Variants in RYR3 observed in about 807,000 individuals in gnomAD.
The protein encoded by RYR3 is ryanodine receptor 3, also known as brain ryanodine receptor-calcium release channel.
A neutral mutation model predicts 584.3 loss-of-function variants in RYR3; 207 were observed. That is an observed-to-expected ratio of 0.35 (90% CI 0.32 to 0.40). The LOEUF (loss-of-function observed/expected upper bound fraction) is 0.40, where lower values mean the gene tolerates loss of function less well. Among genes scored for constraint, RYR3 ranks in the 10% least tolerant of loss-of-function variants. The probability of loss-of-function intolerance (pLI) is 1.00; values close to 1 mark genes in which losing one functional copy is unlikely to be tolerated. For missense variants in RYR3, 5,616 were observed against 6,089.2 expected, an observed-to-expected ratio of 0.92 and a Z score of 2.59; for synonymous variants, 2,416 against 2,248.5, an observed-to-expected ratio of 1.07 and a Z score of -2.11.
intron 38 of RYR3, among the ~76,000 whole-genome samples, chr15:33,683,767 A>G (rs1374864590): frequency 6.6e-6 from 1 of 152,232 alleles, no homozygotes; most frequent in African/African-American, 2.4e-5. Context: ...TGGAAAAAGG[A>G]GAAACTTCCG....
intron 90 of RYR3, 161 bp from the exon 91 acceptor site, chr15:33,841,703 G>A: frequency 1.6e-6 from 1 of 626,776 alleles, no homozygotes; most frequent in Non-Finnish European, 2.7e-6. Context: ...TAAATTTAAT[G>A]TCCAGCCACT....
chr15:33,779,967 C>T lies in RYR3; in HGVS notation c.9138-244C>T, dbSNP rs960627510. Among the ~76,000 whole-genome samples the T allele has an allele frequency of 2.6e-5, 4 of 152,158 alleles. 1 individual carries two copies. In the South Asian group the frequency reaches 6.2e-4, roughly 24 times the overall value. On this transcript the variant is annotated intron_variant, in intron 64 of 103. Coordinates refer to ENST00000634891, the MANE Select transcript of RYR3 (RefSeq NM_001036.6). The stretch of plus-strand genomic sequence containing the variant: ...CGGAGCTTGCAGTGAGCTGATATCG[C>T]GCCACTGCACTCCAGCCTGGGTGAC...
intron 1 of RYR3, among the ~76,000 whole-genome samples, chr15:33,420,870 A>T (rs2044193193): frequency 1.3e-5 from 2 of 152,106 alleles, no homozygotes; most frequent in South Asian, 4.2e-4. Flanking sequence ...CATGTCCATT[A>T]CCTACCTGCT....
intron 99 of RYR3, 54 bp from the exon 100 acceptor site, chr15:33,859,521 G>A (rs903348838): frequency 4.4e-6 from 7 of 1,596,142 alleles, no homozygotes; most frequent in Non-Finnish European, 6.0e-6. Context: ...TGAGCATCTT[G>A]CTAAAAACAG....
intron 32 of RYR3, 68 bp from the exon 33 acceptor site, chr15:33,659,652 C>T (rs1017312188): frequency 5.0e-6 from 5 of 1,007,096 alleles, no homozygotes; most frequent in African/African-American, 4.7e-5. Context: ...CCAAAACACC[C>T]AATGGCTGAG....
At chr15:33,484,104 A>G (rs1220584455) in intron 2 of RYR3, among the ~76,000 whole-genome samples, 1 of 152,078 alleles carries the variant, frequency 6.6e-6, no homozygotes, top group Non-Finnish European at 1.5e-5. Flanking sequence ...AGGTAGTTCC[A>G]CCATTACCTG....
chr15:33,526,776 G>C (rs951653955), intron 3 of RYR3, among the ~76,000 whole-genome samples: 2 of 152,068 alleles, frequency 1.3e-5, no homozygotes, highest in African/African-American at 4.8e-5. Context: ...ATACAACATG[G>C]TCATGGAGCT....
intron 42 of RYR3, among the ~76,000 whole-genome samples, chr15:33,704,871 A>G (rs2066574702): frequency 6.6e-6 from 1 of 152,156 alleles, no homozygotes. Context: ...GGTTTGCCAC[A>G]CCGTTTTCAA....
At chr15:33,827,401 C>T (rs923542907) in intron 85 of RYR3, 114 bp downstream of exon 85, 23 of 889,442 alleles carry the variant, frequency 2.6e-5, no homozygotes, top group African/African-American at 1.8e-4. Context: ...ATAAGGAAGG[C>T]GTTGTAACGT....
In RYR3 at chr15:33,821,349, A is replaced by G. The variant is rs1338479568; in HGVS notation, c.10895A>G (p.Gln3632Arg). 7 of 1,602,648 alleles carry G rather than the reference A, an allele frequency of 4.4e-6. No homozygotes were observed. The highest frequency in any genetic ancestry group is 1.3e-5 in the African/African-American group (1 of 74,736). The change falls in exon 79 of 104, where the codon CAG becomes CGG. Residue 3632 changes from glutamine (Q) to arginine (R), a missense_variant. Gln to Arg is a conservative substitution (Grantham distance 43). Around this residue, in one of 9 missense-constraint regions of RYR3, gnomAD observed 954 missense variants for 1,132.2 expected, o/e 0.84. Transcript: ENST00000634891. ...HERGAAEMVLQMISASKGEMS... is the reference protein window; with the variant it reads ...HERGAAEMVLRMISASKGEMS... ...CGTGGTGCTGCAGAGATGGTCCTTC[A>G]GATGATAAGCGCTAGCAAAGGTGAT...
intron 2 of RYR3, among the ~76,000 whole-genome samples, chr15:33,491,041 A>G (rs921176837): frequency 1.1e-4 from 16 of 152,182 alleles, no homozygotes; most frequent in Non-Finnish European, 2.1e-4. Flanking sequence ...TTTTTAAAAA[A>G]ATAAACTGCC....
chr15:33,469,077 G>A (rs910112873), intron 1 of RYR3, among the ~76,000 whole-genome samples: 1 of 152,190 alleles, frequency 6.6e-6, no homozygotes, highest in Admixed American at 6.5e-5. Context: ...ATATAGTGGG[G>A]GAGAAGGCAT....
intron 1 of RYR3, among the ~76,000 whole-genome samples, chr15:33,389,026 A>G (rs1363836649): frequency 1.4e-5 from 2 of 141,808 alleles, no homozygotes; most frequent in Non-Finnish European, 3.0e-5. Context: ...TAATTGAACA[A>G]TGAGAACACA....
At chr15:33,665,621 C>T (rs933774297) in intron 36 of RYR3, among the ~76,000 whole-genome samples, 1 of 152,232 alleles carries the variant, frequency 6.6e-6, no homozygotes, top group African/African-American at 2.4e-5. Flanking sequence ...TACTCACACA[C>T]TTCCTTTCCC....
At chr15:33,653,438 G>A (rs367818425) in intron 32 of RYR3, among the ~76,000 whole-genome samples, 45 of 152,240 alleles carry the variant, frequency 3.0e-4, no homozygotes, top group African/African-American at 9.4e-4. Context: ...TTGGGAGGCC[G>A]AGGCGGGGGG....
chr15:33,668,151 C>A (rs944507162), intron 36 of RYR3, among the ~76,000 whole-genome samples: 7 of 131,730 alleles, frequency 5.3e-5, no homozygotes, highest in African/African-American at 8.7e-5. Context: ...ACTGAAAATA[C>A]AAAAAAAAAA....
chr15:33,327,230 T>C (rs1022027307), intron 1 of RYR3, among the ~76,000 whole-genome samples: 1 of 152,232 alleles, frequency 6.6e-6, no homozygotes, highest in Non-Finnish European at 1.5e-5. Context: ...TGGAGGGCTA[T>C]AGTCTTATTA....
chr15:33,401,500 GTA>G (rs1410716670), intron 1 of RYR3, among the ~76,000 whole-genome samples: 10 of 152,160 alleles, frequency 6.6e-5, no homozygotes, highest in African/African-American at 2.4e-4. Context: ...GCTGAAAACT[GTA>G]TAGCCATTAA....
intron 1 of RYR3, among the ~76,000 whole-genome samples, chr15:33,401,100 C>A (rs982382601): frequency 2.0e-5 from 3 of 152,186 alleles, no homozygotes; most frequent in African/African-American, 7.2e-5. Context: ...TCTTTAGCTG[C>A]AGCATGGGAA....
Sources: gnomAD v4.1 joint callset for allele counts (sites outside exome capture counted in the v4.1 genomes callset) on GRCh38, gnomAD v4.1.1 for gene constraint, gnomAD v4.1.1 regional missense constraint, MANE v1.5 for transcripts, NCBI Gene and HGNC (gene_info 2026-07-23, HGNC 2026-07-21) for gene names.